Variants in TLN2 observed in about 807,000 individuals in gnomAD.
The protein encoded by TLN2 is talin 2.
A neutral mutation model predicts 294.7 loss-of-function variants in TLN2; 118 were observed. The observed-to-expected ratio is 0.40, with a 90% CI of 0.34 to 0.47. TLN2 has a LOEUF of 0.47. TLN2 is among the 20% of genes least tolerant of loss of function. The probability of loss-of-function intolerance (pLI) is 0.84; values close to 1 mark genes in which losing one functional copy is unlikely to be tolerated. For missense variants in TLN2, 3,083 were observed against 3,282.2 expected (o/e 0.94, Z 1.48); for synonymous variants, 1,431 against 1,304.5 (o/e 1.10, Z -2.09).
chr15:62,827,034 A>G (rs2068277195), intron 54 of TLN2, among the ~76,000 whole-genome samples: 1 of 150,974 alleles, frequency 6.6e-6, no homozygotes, highest in Non-Finnish European at 1.5e-5. Context: ...GAGAAGGGCG[A>G]CCATTGTGTT....
At chr15:62,545,582 G>A (rs2041953109) in intron 1 of TLN2, among the ~76,000 whole-genome samples, 1 of 150,948 alleles carries the variant, frequency 6.6e-6, no homozygotes, top group South Asian at 2.1e-4. Flanking sequence ...GGGTTTTGTG[G>A]CAGGGTTCCA....
intron 1 of TLN2, among the ~76,000 whole-genome samples, chr15:62,504,430 G>A (rs978520919): frequency 6.6e-6 from 1 of 152,160 alleles, no homozygotes; most frequent in African/African-American, 2.4e-5. Flanking sequence ...CAAGGTATAC[G>A]TCAAAGCTAT....
intron 14 of TLN2, 23 bp downstream of exon 14, chr15:62,694,415 G>A: frequency 3.7e-6 from 6 of 1,603,944 alleles, no homozygotes; most frequent in Non-Finnish European, 5.1e-6. Context: ...AAGAGTACTA[G>A]AGGACCACCT....
intron 1 of TLN2, among the ~76,000 whole-genome samples, chr15:62,542,489 C>G (rs765208425): frequency 6.6e-6 from 1 of 152,150 alleles, no homozygotes; most frequent in African/African-American, 2.4e-5. Context: ...CGCGCCCGGC[C>G]CCATTTAGTA....
chr15:62,423,739 C>T (rs1415779716), intron 1 of TLN2, among the ~76,000 whole-genome samples: 1 of 152,128 alleles, frequency 6.6e-6, no homozygotes, highest in Non-Finnish European at 1.5e-5. Flanking sequence ...CGCCACCACA[C>T]CCAGCTAATT....
chr15:62,753,781 CTTGG>C lies in TLN2; in HGVS notation c.4346_4349del (p.Val1449AlafsTer73). The C allele has an allele frequency of 6.2e-7, 1 of 1,608,372 alleles. No individual in the cohort carries two copies. The highest frequency in any genetic ancestry group is 8.5e-7 in the Non-Finnish European group (1 of 1,177,688). On this transcript the variant is annotated frameshift_variant, in exon 36 of 59. Transcript: ENST00000636159. LOFTEE classifies it high-confidence loss of function. ...TTCTCTTCCCTTTCTAGGCTGCATA[CTTGG>C]TTGGCATCTCTGATCCAAACAGCCA...
At chr15:62,602,650 G>A (rs2047095562) in intron 2 of TLN2, among the ~76,000 whole-genome samples, 1 of 152,146 alleles carries the variant, frequency 6.6e-6, no homozygotes, top group Admixed American at 6.5e-5. Flanking sequence ...TGCACTTGCT[G>A]GTTTACAGAT....
chr15:62,718,845 T>A (rs542565307), intron 24 of TLN2, among the ~76,000 whole-genome samples: 2 of 152,254 alleles, frequency 1.3e-5, no homozygotes, highest in Non-Finnish European at 2.9e-5. Flanking sequence ...AGACTGAAGA[T>A]ACTAGGTCTT....
chr15:62,768,729 T>C (rs1187726446), intron 41 of TLN2, among the ~76,000 whole-genome samples: 1 of 152,240 alleles, frequency 6.6e-6, no homozygotes, highest in African/African-American at 2.4e-5. Flanking sequence ...TTAAAGTACT[T>C]GCTAAGCTCC....
intron 46 of TLN2, among the ~76,000 whole-genome samples, chr15:62,795,108 G>A (rs1004891888): frequency 2.6e-5 from 4 of 152,160 alleles, no homozygotes; most frequent in Admixed American, 6.5e-5. Flanking sequence ...GGAGGTGTCC[G>A]GGGCTCAGCT....
intron 12 of TLN2, among the ~76,000 whole-genome samples, chr15:62,687,065 C>T (rs944829200): frequency 1.3e-5 from 2 of 152,174 alleles, no homozygotes; most frequent in African/African-American, 4.8e-5. Context: ...AAAAGCCACT[C>T]ACCCAGATGA....
intron 3 of TLN2, among the ~76,000 whole-genome samples, chr15:62,631,518 C>CTCCCTTTCCTTTCCT (rs2049839216): frequency 1.1e-5 from 1 of 89,648 alleles, no homozygotes; most frequent in Non-Finnish European, 2.1e-5. Context: ...TTCTTTCTTT[C>CTCCCTTTCCTTTCCT]TTCCTTTCCT....
chr15:62,518,961 T>C lies in TLN2; in HGVS notation c.-237-70726T>C, dbSNP rs552019656. On this transcript the variant is annotated intron_variant, in intron 1 of 58. Coordinates refer to ENST00000636159, the MANE Select transcript of TLN2 (RefSeq NM_015059.3). Reference sequence around the variant, plus strand: ...TTTAAGATTTATTGGGCACTTTACATGTGCCACACACAGTTCTAAGCAGGA... The same window carrying C: ...TTTAAGATTTATTGGGCACTTTACACGTGCCACACACAGTTCTAAGCAGGA... Among the ~76,000 whole-genome samples, 18 of 152,354 alleles carry C rather than the reference T, an allele frequency of 1.2e-4. 1 individual carries two copies. The South Asian group carries it at 3.3e-3, about 28-fold the overall frequency.
chr15:62,466,829 G>A (rs2037160479), intron 1 of TLN2, among the ~76,000 whole-genome samples: 1 of 152,204 alleles, frequency 6.6e-6, no homozygotes. Flanking sequence ...TTGGGATGCT[G>A]ATGACACTGA....
chr15:62,708,731 A>G lies in TLN2; in HGVS notation c.2402A>G (p.Tyr801Cys). The G allele has an allele frequency of 1.2e-6, 2 of 1,612,048 alleles. No individual in the cohort carries two copies. The highest frequency in any genetic ancestry group is 1.7e-6 in the Non-Finnish European group (2 of 1,180,014). ...AGCCGAGGCGAGCCCATCGGCCGCT[A>G]CGACCAGGCTACTGACACCATCATG... Reference protein sequence around the residue: ...FASRGEPIGRYDQATDTIMCV... With the variant: ...FASRGEPIGRCDQATDTIMCV... The change falls in exon 21 of 59, where the codon TAC (tyrosine) becomes TGC (cysteine). Residue 801 changes from tyrosine to cysteine, a missense_variant. By Grantham distance (194) the Tyr-to-Cys change is radical. Transcript: ENST00000636159.
intron 1 of TLN2, among the ~76,000 whole-genome samples, chr15:62,528,670 C>CTT (rs3055755): frequency 0.11 from 10,864 of 96,802 alleles, 1,253 homozygotes; most frequent in African/African-American, 0.2. Context: ...CCAGAGCTTG[C>CTT]TTTTTTTTTT....
At chr15:62,615,806 T>C (rs2048267831) in intron 2 of TLN2, among the ~76,000 whole-genome samples, 1 of 152,202 alleles carries the variant, frequency 6.6e-6, no homozygotes, top group African/African-American at 2.4e-5. Context: ...AATATTGCCA[T>C]ATTGACTGCC....
Position 62,663,581 on chromosome 15 carries a change from T to C in TLN2, c.788+5683T>C, listed in dbSNP as rs538947188. ...TAACAAGACTTTTAAGTGTGGTCTT[T>C]AGAAAAAAAAAAATCAACATATAAT... On this transcript the variant is annotated intron_variant, in intron 9 of 58. Coordinates refer to ENST00000636159, the MANE Select transcript of TLN2 (RefSeq NM_015059.3). Among the ~76,000 whole-genome samples, 71 of 149,950 alleles carry C rather than the reference T, an allele frequency of 4.7e-4. 1 individual carries two copies. Among genetic ancestry groups the C allele is most frequent in the African/African-American group, 1.6e-3 (67 of 40,772 alleles).
At chr15:62,596,836 G>A (rs1347214248) in intron 2 of TLN2, among the ~76,000 whole-genome samples, 2 of 152,064 alleles carry the variant, frequency 1.3e-5, no homozygotes, top group Non-Finnish European at 2.9e-5. Flanking sequence ...AGCTTATAGT[G>A]AAAAGCAACA....
Sources: gnomAD v4.1 joint callset for allele counts (sites outside exome capture counted in the v4.1 genomes callset) on GRCh38, gnomAD v4.1.1 for gene constraint, MANE v1.5 for transcripts, NCBI Gene and HGNC (gene_info 2026-07-23, HGNC 2026-07-21) for gene names.